Variants in SLFN13 observed in about 807,000 individuals in gnomAD.
SLFN13 encodes schlafen family member 13, also known as schlafen-13.
SLFN13 carries 43 observed loss-of-function variants against 50.6 expected under a neutral mutation model. The ratio of observed to expected loss-of-function variants is 0.85; its 90% confidence interval spans 0.67 to 1.09. SLFN13 has a LOEUF of 1.09. SLFN13 is among the 50% of genes least tolerant of loss of function. The pLI is 0.00. For missense variants in SLFN13, 881 were observed against 1,071.1 expected, an observed-to-expected ratio of 0.82 and a Z score of 2.48; for synonymous variants, 339 against 386.5, an observed-to-expected ratio of 0.88 and a Z score of 1.44.
chr17:35,445,042 C>T lies in SLFN13; in HGVS notation c.639G>A (p.Glu213=), dbSNP rs1204490751. Residue 213 remains glutamate, a synonymous_variant, in exon 3 of 6, where the codon GAG becomes GAA. Transcript: ENST00000285013. The part of the protein sequence containing the change: ...ILSFPESPSI[E]FKQFSTKHIQ... The stretch of plus-strand genomic sequence containing the variant: ...TATGTTTTGTAGAGAACTGTTTAAA[C>T]TCTATGGATGGAGACTCAGGAAAAG... The T allele has an allele frequency of 6.2e-7, 1 of 1,614,046 alleles. No homozygotes were observed. The highest frequency in any genetic ancestry group is 1.1e-5 in the South Asian group (1 of 91,080).
rs16970912 is a variant in SLFN13 at position 35,442,187 on chromosome 17, G to T, written c.1298C>A (p.Pro433His). 8 of 1,614,150 alleles carry T rather than the reference G, an allele frequency of 5.0e-6. No homozygotes were observed. The South Asian group carries it at 7.7e-5, about 16-fold the overall frequency. ...GAGGATCACAATTCCCTGGGAGAAA[G>T]GTCGCATTTGCTTGTGTATTAACTC... ...LKELIHKQMRPFSQGIVILSR... is the reference protein window; with the variant it reads ...LKELIHKQMRHFSQGIVILSR... The change falls in exon 5 of 6, where the codon CCT (proline) becomes CAT (histidine). Residue 433 changes from proline (P) to histidine (H), a missense_variant. By Grantham distance (77) the Pro-to-His change is moderately conservative. Transcript: ENST00000285013.
At position 35,441,313 on chromosome 17, in the gene SLFN13, A is replaced by C. The variant is rs1031439552; in HGVS notation, c.1976T>G (p.Phe659Cys). ...ETRETFLREKFEHIQHIVIDE... is the reference protein window; with the variant it reads ...ETRETFLREKCEHIQHIVIDE... ...AATGACGATGTGTTGAATGTGTTCA[A>C]ATTTTTCTCTTAGGAAAGTTTCCCG... Residue 659 changes from phenylalanine to cysteine, a missense_variant, in exon 6 of 6, where the codon TTT becomes TGT. This residue lies in a region of SLFN13 where 322 missense variants were observed against 327.4 expected (regional missense o/e 0.98). Coordinates refer to ENST00000285013, the MANE Select transcript of SLFN13 (RefSeq NM_144682.6). The C allele has an allele frequency of 1.9e-6, 3 of 1,612,442 alleles. No individual in the cohort carries two copies. Among genetic ancestry groups the C allele is most frequent in the Middle Eastern group, 1.6e-4 (1 of 6,080 alleles).
intron 1 of SLFN13, among the ~76,000 whole-genome samples, chr17:35,448,001 T>C (rs970271595): frequency 6.6e-6 from 1 of 151,550 alleles, no homozygotes; most frequent in Non-Finnish European, 1.5e-5. Flanking sequence ...GAACCACAGG[T>C]GCGCGCCACC....
rs1394018751 is a variant in SLFN13 at position 35,445,583 on chromosome 17, T to C, written c.98A>G (p.Lys33Arg). The C allele has an allele frequency of 6.2e-7, 1 of 1,614,050 alleles. No individual in the cohort carries two copies. The highest frequency in any genetic ancestry group is 8.5e-7 in the Non-Finnish European group (1 of 1,180,030). ...TTGGTCTCTCTGAGTTTTCTGTAGCTTTTTTCTGTTTTCTTCTCCCAGAGT... is the reference window on the plus strand; with the variant it reads ...TTGGTCTCTCTGAGTTTTCTGTAGCCTTTTTCTGTTTTCTTCTCCCAGAGT... ...EVTLGEENRK[K>R]LQKTQRDQER... The change falls in exon 3 of 6, where the codon AAG (lysine) becomes AGG (arginine). Residue 33 changes from lysine to arginine, a missense_variant. By Grantham distance (26) the Lys-to-Arg change is conservative. This residue lies in a region of SLFN13 where 497 missense variants were observed against 518.3 expected (regional missense o/e 0.96). Transcript: ENST00000285013.
rs1290209832 is a variant in SLFN13 at position 35,445,345 on chromosome 17, C to T, written c.336G>A (p.Trp112Ter). ...CATCTTTAAGGAAAGGATCACCACT[C>T]CAAGATTTAACAAAAATATAAAAAC... ...GRCFYIFVKS[W>*]SGDPFLKDGS... Residue 112 changes from tryptophan (W) to a stop codon, truncating the protein, a stop_gained, in exon 3 of 6, where the codon TGG (tryptophan) becomes TGA (stop). Transcript: ENST00000285013. LOFTEE classifies it high-confidence loss of function. 1 of 1,613,758 alleles carries T rather than the reference C, an allele frequency of 6.2e-7. No homozygotes were observed. The highest frequency in any genetic ancestry group is 2.2e-5 in the East Asian group (1 of 44,876).
intron 4 of SLFN13, among the ~76,000 whole-genome samples, chr17:35,442,903 C>A (rs1257947664): frequency 6.6e-6 from 1 of 152,156 alleles, no homozygotes; most frequent in Non-Finnish European, 1.5e-5. Context: ...ACCTTGGATT[C>A]TTAATGTGGA....
rs368387804 is a variant in SLFN13 at position 35,443,948 on chromosome 17, C to T, written c.1067-28G>A. 151 of 1,604,520 alleles carry T rather than the reference C, an allele frequency of 9.4e-5. No homozygotes were observed. In the African/African-American group the frequency reaches 1.9e-3, roughly 20 times the overall value. ...GAAAGAAAGAACATTTTAATTTACA[C>T]TATATGATTTCATGTCTCGCTATTG... On this transcript the variant is annotated intron_variant, in intron 3 of 5. Coordinates refer to ENST00000285013, the MANE Select transcript of SLFN13 (RefSeq NM_144682.6).
Position 35,445,683 on chromosome 17 carries a change from T to C in SLFN13, c.-3A>G, listed in dbSNP as rs1254024804. ...AGGGAGCAGTGATTTGCCTCCATGT[T>C]GAACTTGCACCTTAAAGTATTAGAA... On this transcript the variant is annotated 5_prime_UTR_variant, in exon 3 of 6. Coordinates refer to ENST00000285013, the MANE Select transcript of SLFN13 (RefSeq NM_144682.6). 3 of 1,588,804 alleles carry C rather than the reference T, an allele frequency of 1.9e-6. No homozygotes were observed. The Admixed American group carries it at 5.3e-5, about 28-fold the overall frequency.
Position 35,445,390 on chromosome 17 carries a change from C to T in SLFN13, c.291G>A (p.Glu97=), listed in dbSNP as rs756982167. Residue 97 remains glutamate, a synonymous_variant, in exon 3 of 6, where the codon GAG becomes GAA. Transcript: ENST00000285013. ...IQYPYLQAFF[E]TKQHGRCFYI... ...AAAAACACCTTCCGTGTTGCTTAGTCTCAAAGAAAGCCTGCAAATATGGAT... is the reference window on the plus strand; with the variant it reads ...AAAAACACCTTCCGTGTTGCTTAGTTTCAAAGAAAGCCTGCAAATATGGAT... The T allele has an allele frequency of 9.9e-6, 16 of 1,614,020 alleles. No homozygotes were observed. In the South Asian group the frequency reaches 1.8e-4, roughly 18 times the overall value.
Position 35,442,266 on chromosome 17 carries a change from A to C in SLFN13, c.1219T>G (p.Cys407Gly). 6.3e-7 allele frequency: 1 copy of C among 1,595,116 alleles called. No individual in the cohort carries two copies. Among genetic ancestry groups the C allele is most frequent in the Non-Finnish European group, 8.5e-7 (1 of 1,170,406 alleles). Residue 407 changes from cysteine (C) to glycine (G), a missense_variant, in exon 5 of 6, where the codon TGT becomes GGT. Coordinates refer to ENST00000285013, the MANE Select transcript of SLFN13 (RefSeq NM_144682.6). ...TCCTTCCAGAGGGACTCTGGAGTAC[A>C]TTCCAAATGTCCTGGTGGAACTAGA... is the stretch of plus-strand genomic sequence containing the variant. ...LFPVPPGHLE[C>G]TPESLWKELS...
rs776791578 is a variant in SLFN13, at chr17:35,443,907, G to A, written c.1080C>T (p.Asp360=). The stretch of plus-strand genomic sequence containing the variant: ...ACTGAGACTCAAAGGCCTCAGCAAA[G>A]TCTGGAGGAAACTCTGAAAGAAAGA... ...MMDADPEFPP[D]FAEAFESQLS... is the part of the protein sequence containing the mutation. Residue 360 remains aspartate, a synonymous_variant, in exon 4 of 6, where the codon GAC becomes GAT. Transcript: ENST00000285013. 6.2e-7 allele frequency: 1 copy of A among 1,613,036 alleles called. No homozygotes were observed. The highest frequency in any genetic ancestry group is 1.1e-5 in the South Asian group (1 of 90,986).
Position 35,438,103 on chromosome 17 carries a change from TC to T in SLFN13, c.*2491del, listed in dbSNP as rs1912690878. The T allele has an allele frequency of 1.7e-5, 2 of 116,952 alleles. No individual in the cohort carries two copies. The highest frequency in any genetic ancestry group is 6.0e-4 in the South Asian group (2 of 3,322). 7.2% of individuals were successfully genotyped at this position (116,952 alleles called of 1,614,324 possible). A position where few individuals can be genotyped will look rare whatever the true frequency, so the allele number is the denominator to read the frequency against. ...CTGGGAAACACAGTGAGACCTTTTC[TC>T]TTTAAAAAAAAAAAAAAAAAAAATT... On this transcript the variant is annotated 3_prime_UTR_variant, in exon 6 of 6. Transcript: ENST00000285013.
upstream of SLFN13, among the ~76,000 whole-genome samples, chr17:35,449,398 T>C (rs1422550542): frequency 2.0e-5 from 3 of 152,066 alleles, no homozygotes. Context: ...ACCCCTCCTC[T>C]GAGGGTCCAG....
chr17:35,440,513 A>G lies in SLFN13; in HGVS notation c.*82T>C. ...TCTCTAACTGACTTGTGAACTAAAA[A>G]GAAAGGTTTCTACCATCAGCAGACT... On this transcript the variant is annotated 3_prime_UTR_variant, in exon 6 of 6. Transcript: ENST00000285013. The G allele has an allele frequency of 2.7e-6, 4 of 1,492,748 alleles. No individual in the cohort carries two copies. Among genetic ancestry groups the G allele is most frequent in the Non-Finnish European group, 2.7e-6 (3 of 1,096,648 alleles). 92.5% of individuals were successfully genotyped at this position (1,492,748 alleles called of 1,614,324 possible).
intron 2 of SLFN13, chr17:35,445,908 A>C: frequency 2.2e-6 from 1 of 464,194 alleles, no homozygotes; most frequent in Non-Finnish European, 3.8e-6. Flanking sequence ...GGGCTCTAAG[A>C]GGGAAAACAC....
intron 4 of SLFN13, 148 bp downstream of exon 4, chr17:35,443,641 A>T: frequency 1.4e-6 from 1 of 739,484 alleles, no homozygotes; most frequent in Non-Finnish European, 2.1e-6. Flanking sequence ...TGATTTCTAA[A>T]GGCACCTGAA....
rs567799695 is a variant in SLFN13 at position 35,436,580 on chromosome 17, G to C, written c.*4015C>G. 1 of 152,180 alleles carries C rather than the reference G, an allele frequency of 6.6e-6. No individual in the cohort carries two copies. Among genetic ancestry groups the C allele is most frequent in the South Asian group, 2.1e-4 (1 of 4,824 alleles). The allele number at this position is 152,180 out of a possible 1,614,324, so 9.4% of individuals were successfully genotyped here. A position where few individuals can be genotyped will look rare whatever the true frequency, so the allele number is the denominator to read the frequency against. ...ACGCCACTTTATCCAAATGATCAGA[G>C]TTAACATCATCAGGAATGGAACTAA... On this transcript the variant is annotated 3_prime_UTR_variant, in exon 6 of 6. Transcript: ENST00000285013.
Position 35,445,004 on chromosome 17 carries a change from A to G in SLFN13, c.677T>C (p.Val226Ala). 1 of 1,614,126 alleles carries G rather than the reference A, an allele frequency of 6.2e-7. No homozygotes were observed. The highest frequency in any genetic ancestry group is 8.5e-7 in the Non-Finnish European group (1 of 1,180,012). ...QFSTKHIQQYVENIIPEYISA... is the reference protein window; with the variant it reads ...QFSTKHIQQYAENIIPEYISA... Reference sequence around the variant, plus strand: ...GATGTACTCTGGAATTATATTTTCTACATATTGTTGGATATGTTTTGTAGA... The same window carrying G: ...GATGTACTCTGGAATTATATTTTCTGCATATTGTTGGATATGTTTTGTAGA... The change falls in exon 3 of 6, where the codon GTA becomes GCA. Residue 226 changes from valine (V) to alanine (A), a missense_variant. Transcript: ENST00000285013.
In SLFN13 at chr17:35,436,799, C is replaced by G. The variant is rs1912656908; in HGVS notation, c.*3796G>C. On this transcript the variant is annotated 3_prime_UTR_variant, in exon 6 of 6. Coordinates refer to ENST00000285013, the MANE Select transcript of SLFN13 (RefSeq NM_144682.6). ...TATGACAAAGACAGATTAACATCTCCAGATTAAATGAGACTTAAAAGAAAG... is the reference window on the plus strand; with the variant it reads ...TATGACAAAGACAGATTAACATCTCGAGATTAAATGAGACTTAAAAGAAAG... 6.6e-6 allele frequency: 1 copy of G among 152,062 alleles called. No homozygotes were observed. The highest frequency in any genetic ancestry group is 1.5e-5 in the Non-Finnish European group (1 of 68,004). 9.4% of individuals were successfully genotyped at this position (152,062 alleles called of 1,614,324 possible). A position where few individuals can be genotyped will look rare whatever the true frequency, so the allele number is the denominator to read the frequency against.
Sources: gnomAD v4.1 joint callset for allele counts (sites outside exome capture counted in the v4.1 genomes callset) on GRCh38, gnomAD v4.1.1 for gene constraint, gnomAD v4.1.1 regional missense constraint, MANE v1.5 for transcripts, NCBI Gene and HGNC (gene_info 2026-07-23, HGNC 2026-07-21) for gene names.